Variants in ADGRL3 observed in about 807,000 individuals in gnomAD.
ADGRL3 encodes the protein calcium-independent alpha-latrotoxin receptor 3.
In ADGRL3, 62 loss-of-function variants were observed where a neutral mutation model predicts 153.5. The observed-to-expected ratio is 0.40, with a 90% CI of 0.33 to 0.50. The LOEUF (loss-of-function observed/expected upper bound fraction) is 0.50. Among genes scored for constraint, ADGRL3 ranks in the 20% least tolerant of loss-of-function variants. ADGRL3 has a pLI of 0.47. For missense variants in ADGRL3, 1,641 were observed against 1,859.4 expected (o/e 0.88, Z 2.16); for synonymous variants, 710 against 672.5 (o/e 1.06, Z -0.86).
In ADGRL3 at chr4:61,775,476, G is replaced by A. The variant is rs193076907; in HGVS notation, c.1400-38333G>A. 52 of 683,714 alleles carry A rather than the reference G, an allele frequency of 7.6e-5. No individual in the cohort carries two copies. The Admixed American group carries it at 7.7e-4, about 10-fold the overall frequency. 42.4% of individuals were successfully genotyped at this position (683,714 alleles called of 1,614,324 possible). A position where few individuals can be genotyped will look rare whatever the true frequency, so the allele number is the denominator to read the frequency against. ...ATTTCTTGCATTTGAAGTACTCTTCGATGACATCCTTGGCCTGAGACTCCT... is the reference window on the plus strand; with the variant it reads ...ATTTCTTGCATTTGAAGTACTCTTCAATGACATCCTTGGCCTGAGACTCCT... On this transcript the variant is annotated intron_variant, in intron 8 of 26. Coordinates refer to ENST00000683033, the MANE Select transcript of ADGRL3 (RefSeq NM_001387552.1).
chr4:61,291,200 A>G (rs1490385119), intron 1 of ADGRL3, among the ~76,000 whole-genome samples: 2 of 116,754 alleles, frequency 1.7e-5, no homozygotes, highest in Admixed American at 1.0e-4. Flanking sequence ...ACACACACAC[A>G]CACACACACA....
chr4:61,608,543 T>C (rs550721520), intron 5 of ADGRL3, among the ~76,000 whole-genome samples: 1 of 152,314 alleles, frequency 6.6e-6, no homozygotes, highest in South Asian at 2.1e-4. Flanking sequence ...TTTTAATGTA[T>C]TATAGTTTGT....
intron 21 of ADGRL3, among the ~76,000 whole-genome samples, chr4:62,006,158 C>T (rs1448754106): frequency 6.6e-6 from 1 of 150,942 alleles, no homozygotes; most frequent in South Asian, 2.1e-4. Flanking sequence ...CCTCAGCCTC[C>T]CAAGTAGCCA....
intron 1 of ADGRL3, among the ~76,000 whole-genome samples, chr4:61,379,531 T>TA (rs1201974792): frequency 1.3e-5 from 2 of 152,012 alleles, no homozygotes; most frequent in South Asian, 2.1e-4. Context: ...CTGACCTTTT[T>TA]AAAAAATATC....
chr4:61,647,118 C>A (rs2150319088), intron 5 of ADGRL3, among the ~76,000 whole-genome samples: 1 of 152,228 alleles, frequency 6.6e-6, no homozygotes, highest in African/African-American at 2.4e-5. Flanking sequence ...TGAGGCAATG[C>A]CTCGCCCTGC....
chr4:61,568,428 G>T (rs868485702), intron 4 of ADGRL3, among the ~76,000 whole-genome samples: 1 of 151,604 alleles, frequency 6.6e-6, no homozygotes, highest in Admixed American at 6.6e-5. Context: ...TTTTCTCTTT[G>T]AAATTCATGG....
chr4:61,583,854 A>G (rs990281252), intron 4 of ADGRL3, among the ~76,000 whole-genome samples: 3 of 152,082 alleles, frequency 2.0e-5, no homozygotes, highest in African/African-American at 4.8e-5. Context: ...GGTAAGGAGC[A>G]TAAGAAGGTA....
chr4:61,509,408 G>A (rs1451624961), intron 3 of ADGRL3, among the ~76,000 whole-genome samples: 2 of 152,028 alleles, frequency 1.3e-5, no homozygotes, highest in Admixed American at 6.6e-5. Context: ...GATTACAGGC[G>A]TGAACCACTG....
At chr4:61,724,406 A>G (rs1310554721) in intron 6 of ADGRL3, among the ~76,000 whole-genome samples, 1 of 152,222 alleles carries the variant, frequency 6.6e-6, no homozygotes, top group Non-Finnish European at 1.5e-5. Context: ...TACAAAATAA[A>G]AGGCCATCCC....
chr4:61,769,180 T>C (rs2097049446), intron 8 of ADGRL3, among the ~76,000 whole-genome samples: 1 of 151,992 alleles, frequency 6.6e-6, no homozygotes, highest in Admixed American at 6.5e-5. Flanking sequence ...CCTGCAATGA[T>C]TAAATACCAA....
intron 4 of ADGRL3, among the ~76,000 whole-genome samples, chr4:61,556,222 G>T (rs2098765791): frequency 6.6e-6 from 1 of 152,146 alleles, no homozygotes; most frequent in Non-Finnish European, 1.5e-5. Flanking sequence ...GAAAGAATGG[G>T]ATTGTTGATC....
Position 61,658,720 on chromosome 4 carries a change from CTCTTTT to C in ADGRL3, c.474-18104_474-18099del, listed in dbSNP as rs146439236. Among the ~76,000 whole-genome samples, 1,162 of 152,210 alleles carry C rather than the reference CTCTTTT, an allele frequency of 7.6e-3. 8 individuals are homozygous for C. The highest frequency in any genetic ancestry group is 0.017 in the Middle Eastern group (5 of 294). On this transcript the variant is annotated intron_variant, in intron 5 of 26. Coordinates refer to ENST00000683033, the MANE Select transcript of ADGRL3 (RefSeq NM_001387552.1). ...TTACCATCCTGTGTCAATTCCCTTT[CTCTTTT>C]TATCTGCCTGCCATGCCTTTTCTAC... is the stretch of plus-strand genomic sequence containing the variant.
chr4:61,660,418 C>A (rs1360831249), intron 5 of ADGRL3, among the ~76,000 whole-genome samples: 1 of 152,018 alleles, frequency 6.6e-6, no homozygotes, highest in Non-Finnish European at 1.5e-5. Flanking sequence ...TAATTTTAAT[C>A]ATACTTTCTC....
chr4:61,373,597 A>G (rs1161109384), intron 1 of ADGRL3, among the ~76,000 whole-genome samples: 1 of 152,216 alleles, frequency 6.6e-6, no homozygotes, highest in Non-Finnish European at 1.5e-5. Context: ...ATCAGCATCA[A>G]TTAAATTTAA....
intron 25 of ADGRL3, among the ~76,000 whole-genome samples, chr4:62,060,786 G>A (rs28609009): frequency 0.027 from 4,160 of 151,556 alleles, 204 homozygotes; most frequent in African/African-American, 0.097. Flanking sequence ...CCATATATTT[G>A]ATTCATTAAT....
At chr4:62,015,646 T>C (rs2099207804) in intron 21 of ADGRL3, among the ~76,000 whole-genome samples, 1 of 152,198 alleles carries the variant, frequency 6.6e-6, no homozygotes, top group East Asian at 1.9e-4. Context: ...TCCCATTCTG[T>C]AAGTTTTAAT....
intron 4 of ADGRL3, among the ~76,000 whole-genome samples, chr4:61,550,496 T>A (rs920504740): frequency 2.0e-5 from 3 of 152,090 alleles, no homozygotes; most frequent in Admixed American, 1.3e-4. Context: ...TATACCCCAA[T>A]TGGACATGAC....
intron 1 of ADGRL3, among the ~76,000 whole-genome samples, chr4:61,316,234 G>A (rs1018301041): frequency 1.3e-5 from 2 of 152,144 alleles, no homozygotes; most frequent in Admixed American, 1.3e-4. Context: ...TTGATGATCT[G>A]TGAAAATAAC....
intron 6 of ADGRL3, among the ~76,000 whole-genome samples, chr4:61,716,627 A>C (rs771002371): frequency 2.0e-5 from 3 of 152,184 alleles, no homozygotes; most frequent in Admixed American, 6.5e-5. Flanking sequence ...CAGGACCAAT[A>C]ATATGTATTG....
Sources: gnomAD v4.1 joint callset for allele counts (sites outside exome capture counted in the v4.1 genomes callset) on GRCh38, gnomAD v4.1.1 for gene constraint, MANE v1.5 for transcripts, NCBI Gene and HGNC (gene_info 2026-07-23, HGNC 2026-07-21) for gene names.